The following ACKR2 variants were observed in gnomAD, a reference collection of about 807,000 sequenced individuals.
The protein encoded by ACKR2 is C-C chemokine receptor D6.
For synonymous variants in ACKR2, 207 were observed against 192.2 expected (o/e 1.08, Z -0.64); for missense variants, 457 against 477.3 (o/e 0.96, Z 0.40).
intron 1 of ACKR2, among the ~76,000 whole-genome samples, chr3:42,812,843 C>T (rs1450089620): frequency 6.6e-6 from 1 of 151,970 alleles, no homozygotes. Flanking sequence ...TGTGCCACCA[C>T]ATCCGGCTAA....
At chr3:42,858,823 G>T (rs1176117394) in intron 2 of ACKR2, among the ~76,000 whole-genome samples, 1 of 151,882 alleles carries the variant, frequency 6.6e-6, no homozygotes, top group Non-Finnish European at 1.5e-5. Flanking sequence ...GTTTAGAGAA[G>T]AATATAAATG....
intron 2 of ACKR2, among the ~76,000 whole-genome samples, chr3:42,839,538 A>G (rs1357964930): frequency 6.6e-6 from 1 of 152,182 alleles, no homozygotes; most frequent in African/African-American, 2.4e-5. Context: ...TCGCAAACAT[A>G]ATGTTGAACA....
chr3:42,851,149 A>G (rs1448021241), intron 2 of ACKR2: 3 of 156,108 alleles, frequency 1.9e-5, no homozygotes, highest in Admixed American at 6.5e-5. Context: ...GAGGGGATAC[A>G]TGCTTTCCAA....
intron 2 of ACKR2, among the ~76,000 whole-genome samples, chr3:42,837,257 C>T (rs958661657): frequency 6.6e-6 from 1 of 151,980 alleles, no homozygotes; most frequent in African/African-American, 2.4e-5. Context: ...CACTCTGTCG[C>T]CTAGGCTGGA....
rs936886197 is a variant in ACKR2 at position 42,819,731 on chromosome 3, G to C, written c.-38+20G>C. On this transcript the variant is annotated intron_variant, in intron 2 of 2. Transcript: ENST00000422265. ...GTTGAGGTAAGCAGCTGAGTTCAAT[G>C]ATGCTGGCTGCATTTTCAGCTATTG... 6.6e-6 allele frequency: 1 copy of C among 152,338 alleles called. No individual in the cohort carries two copies. Among genetic ancestry groups the C allele is most frequent in the African/African-American group, 2.4e-5 (1 of 41,468 alleles). The allele number at this position is 152,338 out of a possible 1,614,324, so 9.4% of individuals were successfully genotyped here.
chr3:42,827,731 T>C (rs987569869), intron 2 of ACKR2, among the ~76,000 whole-genome samples: 1 of 152,126 alleles, frequency 6.6e-6, no homozygotes, highest in Non-Finnish European at 1.5e-5. Context: ...ATTGGACTTG[T>C]TCACTTTGTC....
intron 2 of ACKR2, chr3:42,834,668 C>T (rs928957885): frequency 6.6e-6 from 1 of 151,272 alleles, no homozygotes; most frequent in African/African-American, 2.4e-5. Context: ...ACCTCCACCT[C>T]TCGGGTTCAA....
chr3:42,866,018 C>CA lies in ACKR2; in HGVS notation c.*361_*362insA. ...GGGTCTTGCTCTATTGCTCTGTCAC[C>CA]CAGGCTGGAATGCAGTGGCGAGATC... On this transcript the variant is annotated 3_prime_UTR_variant, in exon 3 of 3. Transcript: ENST00000422265. 2 of 208,518 alleles carry CA rather than the reference C, an allele frequency of 9.6e-6. No individual in the cohort carries two copies. The highest frequency in any genetic ancestry group is 1.9e-5 in the Non-Finnish European group (2 of 103,558). The allele number at this position is 208,518 out of a possible 1,614,324, so 12.9% of individuals were successfully genotyped here. A position where few individuals can be genotyped will look rare whatever the true frequency, so the allele number is the denominator to read the frequency against.
At chr3:42,854,689 C>T (rs913397515) in intron 2 of ACKR2, among the ~76,000 whole-genome samples, 3 of 152,112 alleles carry the variant, frequency 2.0e-5, no homozygotes, top group African/African-American at 7.2e-5. Context: ...TGTTAGTGTT[C>T]AACTCATAGA....
Position 42,866,343 on chromosome 3 carries a change from A to C in ACKR2, c.*686A>C, listed in dbSNP as rs931882067. Reference sequence around the variant, plus strand: ...ATGCGCGTGCCACCACGCACAGCTAATTTTTATAATTTTAGTAGAGATGGG... The same window carrying C: ...ATGCGCGTGCCACCACGCACAGCTACTTTTTATAATTTTAGTAGAGATGGG... On this transcript the variant is annotated 3_prime_UTR_variant, in exon 3 of 3. Coordinates refer to ENST00000422265, the MANE Select transcript of ACKR2 (RefSeq NM_001296.5). 6.6e-6 allele frequency: 1 copy of C among 151,986 alleles called. No homozygotes were observed. The highest frequency in any genetic ancestry group is 2.1e-4 in the South Asian group (1 of 4,812). The allele number at this position is 151,986 out of a possible 1,614,324, so 9.4% of individuals were successfully genotyped here.
At chr3:42,856,054 A>G in intron 2 of ACKR2, 2 of 307,808 alleles carry the variant, frequency 6.5e-6, no homozygotes, top group Non-Finnish European at 1.2e-5. Flanking sequence ...AGCAGCTCAC[A>G]GGCTCCCAGC....
In ACKR2 at chr3:42,865,009, G is replaced by T; in HGVS notation, c.507G>T (p.Trp169Cys). The T allele has an allele frequency of 6.2e-7, 1 of 1,614,150 alleles. No individual in the cohort carries two copies. The highest frequency in any genetic ancestry group is 8.5e-7 in the Non-Finnish European group (1 of 1,180,046). ...GCCTGCTCCTTGCTACCATAGTATG[G>T]GCTGTGTCCCTGGCCGTCTCCATCC... ...AKSLLLATIV[W>C]AVSLAVSIPD... Residue 169 changes from tryptophan (W) to cysteine (C), a missense_variant, in exon 3 of 3, where the codon TGG becomes TGT. By Grantham distance (215) the Trp-to-Cys change is radical (BLOSUM62 -2). Transcript: ENST00000422265.
At chr3:42,825,908 C>T (rs1575377931) in intron 2 of ACKR2, among the ~76,000 whole-genome samples, 8 of 116,396 alleles carry the variant, frequency 6.9e-5, no homozygotes, top group African/African-American at 1.6e-4. Context: ...TGAGGATGTT[C>T]CCTAGTTTAT....
intron 1 of ACKR2, among the ~76,000 whole-genome samples, chr3:42,815,321 T>C (rs1700738436): frequency 6.6e-6 from 1 of 152,352 alleles, no homozygotes; most frequent in African/African-American, 2.4e-5. Flanking sequence ...TTACATGCAG[T>C]AGTGTTATCT....
intron 2 of ACKR2, among the ~76,000 whole-genome samples, chr3:42,829,461 G>A (rs962255480): frequency 6.6e-6 from 1 of 152,198 alleles, no homozygotes; most frequent in Non-Finnish European, 1.5e-5. Context: ...GGCAATTCTG[G>A]TTGGCCCAGG....
intron 2 of ACKR2, among the ~76,000 whole-genome samples, chr3:42,837,693 T>G (rs1225190854): frequency 6.6e-6 from 1 of 152,160 alleles, no homozygotes; most frequent in Non-Finnish European, 1.5e-5. Flanking sequence ...CGGAAACACC[T>G]TCACAAACAC....
At chr3:42,811,340 CAT>C (rs1202875860) in intron 1 of ACKR2, among the ~76,000 whole-genome samples, 2 of 152,234 alleles carry the variant, frequency 1.3e-5, no homozygotes, top group Non-Finnish European at 2.9e-5. Context: ...CTCACAGAAA[CAT>C]GTGCTGTATG....
intron 2 of ACKR2, among the ~76,000 whole-genome samples, chr3:42,825,467 A>G (rs4682861): frequency 0.29 from 44,357 of 151,824 alleles, 7,251 homozygotes; most frequent in East Asian, 0.59. Context: ...TTCTGATGTT[A>G]TCGTAGATAT....
chr3:42,864,091 GAC>G (rs2088409895), intron 2 of ACKR2, among the ~76,000 whole-genome samples: 1 of 152,164 alleles, frequency 6.6e-6, no homozygotes, highest in Non-Finnish European at 1.5e-5. Context: ...AGGGTCAGGA[GAC>G]ACATTAAATA....
Sources: gnomAD v4.1 joint callset for allele counts (sites outside exome capture counted in the v4.1 genomes callset) on GRCh38, gnomAD v4.1.1 for gene constraint, MANE v1.5 for transcripts, NCBI Gene and HGNC (gene_info 2026-07-23, HGNC 2026-07-21) for gene names.